The following IGF2BP3 variants were observed in gnomAD, a reference collection of about 807,000 sequenced individuals.
IGF2BP3 encodes insulin-like growth factor 2 mRNA-binding protein 3.
IGF2BP3 carries 9 observed loss-of-function variants against 73.8 expected under a neutral mutation model. The ratio of observed to expected loss-of-function variants is 0.12; its 90% CI spans 0.07 to 0.21. The LOEUF (loss-of-function observed/expected upper bound fraction) is 0.21. IGF2BP3 is among the 10% of genes least tolerant of loss of function. The pLI is 1.00. For synonymous variants in IGF2BP3, 258 were observed against 256.7 expected (o/e 1.01, Z -0.05); for missense variants, 542 against 714.0 (o/e 0.76, Z 2.75).
At position 23,310,329 on chromosome 7, in the gene IGF2BP3, AATT is replaced by A; in HGVS notation, c.*2030_*2032del. 6.6e-6 allele frequency: 1 copy of A among 152,364 alleles called. No homozygotes were observed. Among genetic ancestry groups the A allele is most frequent in the Non-Finnish European group, 1.5e-5 (1 of 68,040 alleles). 9.4% of individuals were successfully genotyped at this position (152,364 alleles called of 1,614,324 possible). ...TGGTGAGTACAAAACTCAATTATAGAATTATTTCTTAGCTAGTACCAGATACTC... is the reference window on the plus strand; with the variant it reads ...TGGTGAGTACAAAACTCAATTATAGAATTTCTTAGCTAGTACCAGATACTC... On this transcript the variant is annotated 3_prime_UTR_variant, in exon 15 of 15. Coordinates refer to ENST00000258729, the MANE Select transcript of IGF2BP3 (RefSeq NM_006547.3).
intron 3 of IGF2BP3, among the ~76,000 whole-genome samples, chr7:23,384,163 C>G (rs895322132): frequency 6.1e-5 from 9 of 146,652 alleles, no homozygotes; most frequent in African/African-American, 2.3e-4. Context: ...ACCTTGTAAA[C>G]ACTTTCCTAA....
intron 2 of IGF2BP3, among the ~76,000 whole-genome samples, chr7:23,459,542 T>C (rs1217840727): frequency 1.3e-5 from 2 of 152,122 alleles, no homozygotes; most frequent in East Asian, 3.9e-4. Context: ...TTGGAAGAAC[T>C]GGACTTGGGG....
intron 10 of IGF2BP3, among the ~76,000 whole-genome samples, chr7:23,331,906 G>T (rs185737830): frequency 1.8e-3 from 276 of 151,988 alleles, no homozygotes; most frequent in Non-Finnish European, 3.5e-3. Context: ...GACTCAGTTG[G>T]CTGGGCAGGC....
At chr7:23,394,237 C>A (rs960935029) in intron 3 of IGF2BP3, among the ~76,000 whole-genome samples, 5 of 152,112 alleles carry the variant, frequency 3.3e-5, no homozygotes, top group African/African-American at 4.8e-5. Context: ...CAGGCCAGGG[C>A]AAGCTAAGTG....
At position 23,424,705 on chromosome 7, in the gene IGF2BP3, T is replaced by C. The variant is rs535792373; in HGVS notation, c.237-5881A>G. On this transcript the variant is annotated intron_variant, in intron 2 of 14. Transcript: ENST00000258729. ...TTCCAGACAACCCTGGGCAACAAAA[T>C]GAGACCCCCCACACCGGCCCTGCCT... Among the ~76,000 whole-genome samples, 7 of 151,890 alleles carry C rather than the reference T, an allele frequency of 4.6e-5. No homozygotes were observed. The East Asian group carries it at 1.2e-3, about 25-fold the overall frequency.
At chr7:23,366,143 CTTTTT>C (rs879535310) in intron 3 of IGF2BP3, among the ~76,000 whole-genome samples, 1 of 143,828 alleles carries the variant, frequency 7.0e-6, no homozygotes, top group African/African-American at 2.5e-5. Context: ...CCGTGTAAAT[CTTTTT>C]TTTTTTTTAG....
intron 2 of IGF2BP3, among the ~76,000 whole-genome samples, chr7:23,421,536 T>C (rs2128536896): frequency 6.6e-6 from 1 of 150,382 alleles, no homozygotes; most frequent in East Asian, 2.1e-4. Flanking sequence ...CTACTAAAAA[T>C]ACAAAATTAG....
Position 23,319,268 on chromosome 7 carries a change from A to G in IGF2BP3, c.1204-14T>C. ...CGTTTCTGATTGCTGTTAGAAAAGA[A>G]AGCCAGGACACCCATGTTTATTTGC... is the stretch of plus-strand genomic sequence containing the variant. On this transcript the variant is annotated splice_polypyrimidine_tract_variant and intron_variant, in intron 10 of 14. Transcript: ENST00000258729. 6.6e-7 allele frequency: 1 copy of G among 1,525,464 alleles called. No individual in the cohort carries two copies. The highest frequency in any genetic ancestry group is 9.0e-7 in the Non-Finnish European group (1 of 1,105,434). The allele number at this position is 1,525,464 out of a possible 1,614,324, so 94.5% of individuals were successfully genotyped here. A position where few individuals can be genotyped will look rare whatever the true frequency, so the allele number is the denominator to read the frequency against.
chr7:23,441,119 G>C (rs1392026340), intron 2 of IGF2BP3, among the ~76,000 whole-genome samples: 1 of 152,080 alleles, frequency 6.6e-6, no homozygotes, highest in Non-Finnish European at 1.5e-5. Flanking sequence ...TATATATTCA[G>C]AGTCATGACA....
intron 3 of IGF2BP3, among the ~76,000 whole-genome samples, chr7:23,364,384 G>GA (rs2128508974): frequency 6.7e-6 from 1 of 148,520 alleles, no homozygotes; most frequent in East Asian, 2.0e-4. Context: ...AAAAAAAAAA[G>GA]AAAAAACAAC....
At chr7:23,330,335 A>G (rs1434427407) in intron 10 of IGF2BP3, among the ~76,000 whole-genome samples, 1 of 148,306 alleles carries the variant, frequency 6.7e-6, no homozygotes, top group Non-Finnish European at 1.5e-5. Context: ...ATATATTTAT[A>G]TAATATTTAT....
intron 2 of IGF2BP3, among the ~76,000 whole-genome samples, chr7:23,458,774 G>C (rs922691593): frequency 6.6e-6 from 1 of 152,292 alleles, no homozygotes; most frequent in South Asian, 2.1e-4. Context: ...CTGTATACTA[G>C]TCTTTTTCCT....
At position 23,443,195 on chromosome 7, in the gene IGF2BP3, G is replaced by A. The variant is rs1003975911; in HGVS notation, c.237-24371C>T. Among the ~76,000 whole-genome samples, 5 of 141,078 alleles carry A rather than the reference G, an allele frequency of 3.5e-5. No individual in the cohort carries two copies. In the East Asian group the frequency reaches 6.3e-4, roughly 18 times the overall value. The allele number at this position is 141,078 out of a possible 152,430, so 92.6% of individuals were successfully genotyped here. A position where few individuals can be genotyped will look rare whatever the true frequency, so the allele number is the denominator to read the frequency against. On this transcript the variant is annotated intron_variant, in intron 2 of 14. Transcript: ENST00000258729. ...ACACCCAGTGCAGTGGTGCGATCTC[G>A]GCTCACTGTAAACTCCGCCTCCCAG...
At chr7:23,406,086 A>G (rs1417694311) in intron 3 of IGF2BP3, among the ~76,000 whole-genome samples, 1 of 151,838 alleles carries the variant, frequency 6.6e-6, no homozygotes, top group Non-Finnish European at 1.5e-5. Context: ...AAAAAAAGAA[A>G]GAAAAATTGT....
At chr7:23,425,538 G>A (rs1787483873) in intron 2 of IGF2BP3, among the ~76,000 whole-genome samples, 1 of 152,008 alleles carries the variant, frequency 6.6e-6, no homozygotes. Flanking sequence ...ATGCTACCAT[G>A]CCCAGCTAAA....
intron 2 of IGF2BP3, among the ~76,000 whole-genome samples, chr7:23,459,599 G>C (rs1237779316): frequency 2.6e-5 from 4 of 151,580 alleles, no homozygotes; most frequent in Admixed American, 2.6e-4. Context: ...TTGGGAGGCC[G>C]AGGTGGGCAA....
intron 2 of IGF2BP3, among the ~76,000 whole-genome samples, chr7:23,445,185 GCA>G (rs1788031694): frequency 1.3e-5 from 2 of 152,152 alleles, no homozygotes; most frequent in South Asian, 4.1e-4. Flanking sequence ...ACAATAAACT[GCA>G]CAGTAGTTGC....
At chr7:23,464,975 AT>A (rs1178477232) in intron 2 of IGF2BP3, among the ~76,000 whole-genome samples, 1 of 152,202 alleles carries the variant, frequency 6.6e-6, no homozygotes, top group Non-Finnish European at 1.5e-5. Flanking sequence ...CATATGAAAA[AT>A]TATTTTCGTA....
chr7:23,344,063 A>G (rs1784775370), intron 8 of IGF2BP3, among the ~76,000 whole-genome samples: 1 of 152,174 alleles, frequency 6.6e-6, no homozygotes, highest in South Asian at 2.1e-4. Flanking sequence ...TTGCCCTCCC[A>G]TTTTCTCAAC....
Sources: allele counts gnomAD v4.1 joint callset (sites outside exome capture counted in the v4.1 genomes callset), GRCh38; gene constraint gnomAD v4.1.1; transcripts MANE v1.5; gene names NCBI Gene and HGNC (gene_info 2026-07-23, HGNC 2026-07-21).